ZMAT4: variants seen among roughly 807,000 people sequenced by gnomAD.
The protein encoded by ZMAT4 is zinc finger matrin-type protein 4.
ZMAT4 carries 17 observed loss-of-function variants against 28.7 expected under a neutral mutation model. The ratio of observed to expected loss-of-function variants is 0.59; its 90% CI spans 0.41 to 0.89. The LOEUF (loss-of-function observed/expected upper bound fraction) is 0.89. ZMAT4 is among the 40% of genes least tolerant of loss of function. The pLI is 0.00. For synonymous variants in ZMAT4, 117 were observed against 109.2 expected (o/e 1.07, Z -0.44); for missense variants, 240 against 283.8 (o/e 0.85, Z 1.11).
chr8:40,599,782 A>G (rs28472424), intron 5 of ZMAT4, among the ~76,000 whole-genome samples: 20,917 of 152,236 alleles, frequency 0.14, 1,967 homozygotes, highest in African/African-American at 0.27. Context: ...GCCTGAACAT[A>G]TGCTGTGTAA....
At chr8:40,810,239 TC>T (rs1815265161) in intron 2 of ZMAT4, among the ~76,000 whole-genome samples, 2 of 152,202 alleles carry the variant, frequency 1.3e-5, no homozygotes, top group South Asian at 4.1e-4. Flanking sequence ...GCGGACTTCT[TC>T]AAGTATTCAC....
At chr8:40,764,336 A>G (rs944337235) in intron 3 of ZMAT4, among the ~76,000 whole-genome samples, 7 of 152,252 alleles carry the variant, frequency 4.6e-5, no homozygotes, top group African/African-American at 1.7e-4. Flanking sequence ...AACAGCTGAC[A>G]ATGTCAAAAC....
chr8:40,788,779 A>C (rs1336766806), intron 2 of ZMAT4, among the ~76,000 whole-genome samples: 1 of 151,912 alleles, frequency 6.6e-6, no homozygotes, highest in Non-Finnish European at 1.5e-5. Flanking sequence ...AAAAAAAAAA[A>C]CACAAACTGA....
intron 4 of ZMAT4, 127 bp downstream of exon 4, chr8:40,697,117 AG>A (rs1809922003): frequency 8.8e-7 from 1 of 1,140,182 alleles, no homozygotes; most frequent in East Asian, 2.5e-5. Context: ...TCATCCCTTT[AG>A]GCTTTGAATG....
chr8:40,841,583 G>T (rs940714324), intron 1 of ZMAT4, among the ~76,000 whole-genome samples: 1 of 152,132 alleles, frequency 6.6e-6, no homozygotes, highest in Non-Finnish European at 1.5e-5. Flanking sequence ...AGGTGTGCAC[G>T]CCCGACAGGT....
At chr8:40,687,937 A>G (rs1025247366) in intron 4 of ZMAT4, among the ~76,000 whole-genome samples, 3 of 152,176 alleles carry the variant, frequency 2.0e-5, no homozygotes, top group Admixed American at 1.3e-4. Context: ...GATCTCAACA[A>G]GTGGCAAGAG....
chr8:40,582,981 G>A (rs888296178), intron 5 of ZMAT4, among the ~76,000 whole-genome samples: 10 of 152,148 alleles, frequency 6.6e-5, no homozygotes, highest in African/African-American at 2.4e-4. Flanking sequence ...AGGGGAAGTG[G>A]TCACGAACCC....
At chr8:40,848,354 T>C (rs1021509921) in intron 1 of ZMAT4, among the ~76,000 whole-genome samples, 2 of 152,242 alleles carry the variant, frequency 1.3e-5, no homozygotes, top group African/African-American at 4.8e-5. Context: ...TTTAGTGTGA[T>C]GATTCTCAGG....
At chr8:40,554,653 A>G (rs1803471793) in intron 6 of ZMAT4, among the ~76,000 whole-genome samples, 1 of 151,780 alleles carries the variant, frequency 6.6e-6, no homozygotes, top group African/African-American at 2.4e-5. Context: ...CTTCTCAAAT[A>G]CTTCTTTTCT....
chr8:40,608,514 C>T (rs1805681674), intron 5 of ZMAT4, among the ~76,000 whole-genome samples: 1 of 152,138 alleles, frequency 6.6e-6, no homozygotes, highest in Non-Finnish European at 1.5e-5. Flanking sequence ...GCTGAGAAAG[C>T]AGGTGGGGTT....
At chr8:40,636,200 AC>A in intron 5 of ZMAT4, among the ~76,000 whole-genome samples, 1 of 152,266 alleles carries the variant, frequency 6.6e-6, no homozygotes, top group Non-Finnish European at 1.5e-5. Context: ...GCGTAAGCAC[AC>A]ATACACATAT....
At chr8:40,606,994 T>C (rs1363675992) in intron 5 of ZMAT4, among the ~76,000 whole-genome samples, 1 of 152,150 alleles carries the variant, frequency 6.6e-6, no homozygotes, top group African/African-American at 2.4e-5. Context: ...TGTTCAATTC[T>C]ATTGTTGAGA....
intron 2 of ZMAT4, among the ~76,000 whole-genome samples, chr8:40,801,733 C>T (rs182463022): frequency 2.0e-5 from 3 of 152,114 alleles, no homozygotes; most frequent in Admixed American, 2.0e-4. Flanking sequence ...TTCTATGAGG[C>T]CAGCATTACT....
chr8:40,553,587 C>G (rs563959861), intron 6 of ZMAT4, among the ~76,000 whole-genome samples: 4 of 152,254 alleles, frequency 2.6e-5, no homozygotes, highest in African/African-American at 7.2e-5. Context: ...ACCTGGCATC[C>G]AGACAGAATT....
At chr8:40,723,112 T>C (rs1283874657) in intron 3 of ZMAT4, among the ~76,000 whole-genome samples, 1 of 152,170 alleles carries the variant, frequency 6.6e-6, no homozygotes, top group Non-Finnish European at 1.5e-5. Flanking sequence ...AACCAGTGCT[T>C]AGAACTGTAA....
rs749554725 is a variant in ZMAT4 at position 40,767,592 on chromosome 8, G to A, written c.192+49C>T. On this transcript the variant is annotated intron_variant, in intron 3 of 6. Coordinates refer to ENST00000297737, the MANE Select transcript of ZMAT4 (RefSeq NM_024645.3). Reference sequence around the variant, plus strand: ...AATTCCTACACCTGCAAAGTTCTCAGTACACAGAACAAATCATCTGAGGAT... The same window carrying A: ...AATTCCTACACCTGCAAAGTTCTCAATACACAGAACAAATCATCTGAGGAT... 3.3e-6 allele frequency: 5 copies of A among 1,528,522 alleles called. No homozygotes were observed. In the Admixed American group the frequency reaches 7.5e-5, roughly 23 times the overall value. The allele number at this position is 1,528,522 out of a possible 1,614,324, so 94.7% of individuals were successfully genotyped here. A position where few individuals can be genotyped will look rare whatever the true frequency, so the allele number is the denominator to read the frequency against.
intron 2 of ZMAT4, among the ~76,000 whole-genome samples, chr8:40,820,814 T>TCGG (rs879501808): frequency 1.9e-4 from 4 of 21,086 alleles, no homozygotes; most frequent in Middle Eastern, 0.023. Context: ...TGTGTGGGTG[T>TCGG]GTGTATGTGT....
At chr8:40,662,120 G>C (rs1027560904) in intron 5 of ZMAT4, among the ~76,000 whole-genome samples, 1 of 149,514 alleles carries the variant, frequency 6.7e-6, no homozygotes. Flanking sequence ...GGGACCACAG[G>C]TGTGCACCAC....
At chr8:40,816,047 GAT>G (rs1177739778) in intron 2 of ZMAT4, among the ~76,000 whole-genome samples, 2 of 152,036 alleles carry the variant, frequency 1.3e-5, no homozygotes, top group Non-Finnish European at 2.9e-5. Context: ...CAGCATCACA[GAT>G]ACACAGTGCA....
Sources: gnomAD v4.1 joint callset for allele counts (sites outside exome capture counted in the v4.1 genomes callset) on GRCh38, gnomAD v4.1.1 for gene constraint, MANE v1.5 for transcripts, NCBI Gene and HGNC (gene_info 2026-07-23, HGNC 2026-07-21) for gene names.